KSR1: variants seen among roughly 807,000 people sequenced by gnomAD.
KSR1 encodes the protein kinase suppressor of ras.
KSR1 carries 35 observed loss-of-function variants against 92.9 expected under a neutral mutation model. The ratio of observed to expected loss-of-function variants is 0.38; its 90% CI spans 0.29 to 0.50. The LOEUF is 0.50. Among genes scored for constraint, KSR1 ranks in the 20% least tolerant of loss-of-function variants. KSR1 has a pLI of 0.94. For missense variants in KSR1, 972 were observed against 1,158.5 expected (o/e 0.84, Z 2.34); for synonymous variants, 467 against 472.6 (o/e 0.99, Z 0.15).
At chr17:27,507,422 G>T (rs1416027675) in intron 1 of KSR1, among the ~76,000 whole-genome samples, 2 of 151,834 alleles carry the variant, frequency 1.3e-5, no homozygotes, top group Non-Finnish European at 2.9e-5. Flanking sequence ...GTCAGAGCAA[G>T]ACTTTGTCTC....
At position 27,547,992 on chromosome 17, in the gene KSR1, C is replaced by T. The variant is rs547038206; in HGVS notation, c.232-2576C>T. On this transcript the variant is annotated intron_variant, in intron 1 of 20. Transcript: ENST00000644974. ...CGTCCCAAAGTGCTGGGATTACAGG[C>T]GTGAGCCACCATGACTGGCTGTCTA... Among the ~76,000 whole-genome samples the T allele has an allele frequency of 6.2e-4, 94 of 152,282 alleles. No homozygotes were observed. The South Asian group carries it at 0.016, about 26-fold the overall frequency.
rs1209559989 is a variant in KSR1 at position 27,626,338 on chromosome 17, A to C, written c.*2946A>C. The C allele has an allele frequency of 6.6e-6, 1 of 152,200 alleles. No individual in the cohort carries two copies. The highest frequency in any genetic ancestry group is 1.5e-5 in the Non-Finnish European group (1 of 68,050). The allele number at this position is 152,200 out of a possible 1,614,324, so 9.4% of individuals were successfully genotyped here. A position where few individuals can be genotyped will look rare whatever the true frequency, so the allele number is the denominator to read the frequency against. Reference sequence around the variant, plus strand: ...ATTAAAATGGTTAGTATTAACAAACATGCTGTATCGGGTTTTTTTGCCACT... The same window carrying C: ...ATTAAAATGGTTAGTATTAACAAACCTGCTGTATCGGGTTTTTTTGCCACT... On this transcript the variant is annotated 3_prime_UTR_variant, in exon 21 of 21. Transcript: ENST00000644974.
At chr17:27,605,269 C>G (rs182081717) in intron 13 of KSR1, among the ~76,000 whole-genome samples, 165 bp from the exon 14 acceptor site, 88 of 152,380 alleles carry the variant, frequency 5.8e-4, no homozygotes, top group Middle Eastern at 3.4e-3. Flanking sequence ...TCCACTGATG[C>G]TAAGTGAGCT....
intron 1 of KSR1, among the ~76,000 whole-genome samples, chr17:27,462,266 T>C (rs1232935017): frequency 1.3e-5 from 2 of 152,196 alleles, no homozygotes; most frequent in South Asian, 2.1e-4. Flanking sequence ...TAGCAGGTGG[T>C]TGAACCCAGG....
chr17:27,463,728 T>A (rs2019555891), intron 1 of KSR1, among the ~76,000 whole-genome samples: 1 of 152,196 alleles, frequency 6.6e-6, no homozygotes, highest in Non-Finnish European at 1.5e-5. Flanking sequence ...CAGAGACTGA[T>A]CAGCTTTGGT....
At chr17:27,548,425 C>T (rs1051867496) in intron 1 of KSR1, among the ~76,000 whole-genome samples, 1 of 151,842 alleles carries the variant, frequency 6.6e-6, no homozygotes, top group East Asian at 1.9e-4. Context: ...TTTTTTTCTT[C>T]GTAAAATATT....
chr17:27,509,658 G>A (rs2150998664), intron 1 of KSR1, among the ~76,000 whole-genome samples: 1 of 62,588 alleles, frequency 1.6e-5, no homozygotes, highest in African/African-American at 5.5e-5. Context: ...TTTGTCTCTA[G>A]TTTAAAACAA....
At chr17:27,555,181 C>G (rs1032243875) in intron 2 of KSR1, among the ~76,000 whole-genome samples, 4 of 152,152 alleles carry the variant, frequency 2.6e-5, no homozygotes, top group Non-Finnish European at 5.9e-5. Flanking sequence ...ATGACGTTGA[C>G]ACTACTTTGT....
At chr17:27,591,022 AG>A in intron 7 of KSR1, 128 bp downstream of exon 7, 1 of 740,488 alleles carries the variant, frequency 1.4e-6, no homozygotes. Context: ...CTCTTCAGGG[AG>A]ACTAAGCAAG....
At chr17:27,561,423 T>C (rs1382076085) in intron 2 of KSR1, among the ~76,000 whole-genome samples, 4 of 152,240 alleles carry the variant, frequency 2.6e-5, no homozygotes, top group Admixed American at 6.5e-5. Context: ...CCTTGATTAA[T>C]TATCACAGAG....
At chr17:27,605,901 T>C (rs1360227605) in intron 14 of KSR1, 88 bp downstream of exon 14, 1 of 1,524,340 alleles carries the variant, frequency 6.6e-7, no homozygotes, top group Admixed American at 2.2e-5. Flanking sequence ...CCCTAGAGGG[T>C]GTGGAAGTTC....
chr17:27,526,834 G>T (rs1256196989), intron 1 of KSR1: 3 of 757,902 alleles, frequency 4.0e-6, no homozygotes, highest in Non-Finnish European at 4.5e-6. Context: ...CCTCCTCCGG[G>T]GGGAGGGGTG....
chr17:27,548,567 T>C (rs192511614), intron 1 of KSR1, among the ~76,000 whole-genome samples: 34 of 152,050 alleles, frequency 2.2e-4, no homozygotes, highest in Non-Finnish European at 4.0e-4. Context: ...TGCTGGCTCA[T>C]GCCTGTAATC....
intron 2 of KSR1, among the ~76,000 whole-genome samples, chr17:27,576,307 T>C (rs2072503794): frequency 6.6e-6 from 1 of 152,198 alleles, no homozygotes; most frequent in African/African-American, 2.4e-5. Flanking sequence ...TGGATAGTAC[T>C]GAATATATAT....
intron 1 of KSR1, among the ~76,000 whole-genome samples, chr17:27,469,127 G>A (rs989369928): frequency 3.7e-4 from 57 of 152,122 alleles, no homozygotes; most frequent in African/African-American, 1.4e-3. Context: ...TCATTTCTGC[G>A]GTTCCAGCCT....
intron 1 of KSR1, among the ~76,000 whole-genome samples, chr17:27,534,678 C>T (rs536489017): frequency 6.6e-6 from 1 of 152,312 alleles, no homozygotes; most frequent in East Asian, 1.9e-4. Context: ...TCTCATCCCC[C>T]GCTAATGATA....
At chr17:27,513,391 G>C (rs1027771299) in intron 1 of KSR1, among the ~76,000 whole-genome samples, 1 of 152,022 alleles carries the variant, frequency 6.6e-6, no homozygotes, top group Admixed American at 6.6e-5. Context: ...AGGAGTTCAA[G>C]ACCAGCCTGG....
chr17:27,507,464 T>A (rs965196832), intron 1 of KSR1, among the ~76,000 whole-genome samples: 3 of 151,938 alleles, frequency 2.0e-5, no homozygotes, highest in African/African-American at 7.2e-5. Flanking sequence ...TTTAATGTTT[T>A]ATATTTATTT....
chr17:27,500,611 G>A (rs975176761), intron 1 of KSR1, among the ~76,000 whole-genome samples: 17 of 152,354 alleles, frequency 1.1e-4, no homozygotes, highest in African/African-American at 3.8e-4. Context: ...AACTAAAGTT[G>A]TTTTGGAAGA....
Sources: allele counts gnomAD v4.1 joint callset (sites outside exome capture counted in the v4.1 genomes callset), GRCh38; gene constraint gnomAD v4.1.1; transcripts MANE v1.5; gene names NCBI Gene and HGNC (gene_info 2026-07-23, HGNC 2026-07-21).